The following QTMAN variants were observed in gnomAD, a reference collection of about 807,000 sequenced individuals.
QTMAN encodes the protein tRNA-queuosine alpha-mannosyltransferase.
chr2:144,322,631 G>A, the QTMAN span, among the ~76,000 whole-genome samples: 2 of 152,082 alleles, frequency 1.3e-5, no homozygotes, highest in Non-Finnish European at 2.9e-5. Context: ...AATATGTAGT[G>A]AAACGGAAGC....
At chr2:144,015,446 A>AC in the QTMAN span, among the ~76,000 whole-genome samples, 1 of 151,452 alleles carries the variant, frequency 6.6e-6, no homozygotes, top group East Asian at 1.9e-4. Context: ...AACTCCCCAT[A>AC]CCCACCCTCC....
chr2:144,070,266 T>A, the QTMAN span, among the ~76,000 whole-genome samples: 1 of 152,160 alleles, frequency 6.6e-6, no homozygotes, highest in African/African-American at 2.4e-5. Context: ...TAAGTCATTC[T>A]TCTAAAATAT....
At chr2:144,130,092 G>GAA in the QTMAN span, among the ~76,000 whole-genome samples, 7 of 118,204 alleles carry the variant, frequency 5.9e-5, no homozygotes, top group East Asian at 2.3e-4. Flanking sequence ...CTAATTTCTG[G>GAA]AAAAAAAAAA....
the QTMAN span, among the ~76,000 whole-genome samples, chr2:144,080,176 T>C: frequency 6.6e-6 from 1 of 152,116 alleles, no homozygotes; most frequent in Admixed American, 6.6e-5. Context: ...TCAAAATAAT[T>C]TGCCTCTTTA....
the QTMAN span, among the ~76,000 whole-genome samples, chr2:144,108,250 G>T: frequency 3.9e-5 from 6 of 152,162 alleles, no homozygotes; most frequent in Non-Finnish European, 4.4e-5. Flanking sequence ...GGAAGTTCTG[G>T]CCAGGGCAAT....
At chr2:144,151,080 A>G in the QTMAN span, among the ~76,000 whole-genome samples, 2 of 152,146 alleles carry the variant, frequency 1.3e-5, no homozygotes, top group Non-Finnish European at 2.9e-5. Flanking sequence ...TTTTGTGGTA[A>G]GAACAATAGG....
At chr2:144,100,635 T>C in the QTMAN span, among the ~76,000 whole-genome samples, 40 of 152,252 alleles carry the variant, frequency 2.6e-4, no homozygotes, top group African/African-American at 9.1e-4. Context: ...ATGTTATCAA[T>C]ATATTCTGAA....
the QTMAN span, among the ~76,000 whole-genome samples, chr2:144,133,441 TAA>T: frequency 1.7e-5 from 1 of 59,642 alleles, no homozygotes; most frequent in Admixed American, 3.1e-4. Context: ...ATATAATATA[TAA>T]TATATAATAT....
At chr2:144,283,064 G>A in the QTMAN span, among the ~76,000 whole-genome samples, 3 of 152,158 alleles carry the variant, frequency 2.0e-5, no homozygotes, top group East Asian at 1.9e-4. Context: ...TGATCTGGCC[G>A]TTCATTTGTA....
At chr2:144,043,604 G>C in the QTMAN span, among the ~76,000 whole-genome samples, 4 of 151,190 alleles carry the variant, frequency 2.6e-5, no homozygotes, top group African/African-American at 2.5e-5. Flanking sequence ...CTGCACTCCA[G>C]TCTGGGCAAT....
chr2:144,265,654 C>T, the QTMAN span, among the ~76,000 whole-genome samples: 1 of 152,294 alleles, frequency 6.6e-6, no homozygotes, highest in East Asian at 1.9e-4. Context: ...CGAGATCACA[C>T]CATTGCACTC....
At chr2:144,151,067 T>G in the QTMAN span, among the ~76,000 whole-genome samples, 1 of 152,128 alleles carries the variant, frequency 6.6e-6, no homozygotes, top group Non-Finnish European at 1.5e-5. Flanking sequence ...AAAATAATCT[T>G]GGTTTTGTGG....
chr2:143,976,486 T>C, the QTMAN span, among the ~76,000 whole-genome samples: 1 of 152,322 alleles, frequency 6.6e-6, no homozygotes, highest in East Asian at 1.9e-4. Flanking sequence ...TTCAAAAACA[T>C]GAGGCTTCTA....
chr2:144,323,218 T>C, the QTMAN span, among the ~76,000 whole-genome samples: 4 of 152,292 alleles, frequency 2.6e-5, no homozygotes, highest in South Asian at 6.2e-4. Flanking sequence ...AAATCACATA[T>C]GGATTTTTCC....
the QTMAN span, among the ~76,000 whole-genome samples, chr2:144,162,637 AG>A: frequency 6.6e-6 from 1 of 152,208 alleles, no homozygotes; most frequent in Non-Finnish European, 1.5e-5. Flanking sequence ...TAAGGGAAAG[AG>A]CAGCAAAGTA....
chr2:144,196,952 TAC>T, the QTMAN span, among the ~76,000 whole-genome samples: 61 of 152,182 alleles, frequency 4.0e-4, 1 homozygote, highest in African/African-American at 1.4e-3. Flanking sequence ...TATTTATATA[TAC>T]AGTCATACAT....
At chr2:144,166,279 G>T in the QTMAN span, among the ~76,000 whole-genome samples, 1 of 152,068 alleles carries the variant, frequency 6.6e-6, no homozygotes, top group Non-Finnish European at 1.5e-5. Context: ...CCACAAACTT[G>T]TCTGCATCAT....
chr2:144,306,006 T>C, the QTMAN span, among the ~76,000 whole-genome samples: 1 of 152,214 alleles, frequency 6.6e-6, no homozygotes, highest in African/African-American at 2.4e-5. Flanking sequence ...AGAGATAGTT[T>C]TACTTCTTTC....
chr2:144,247,809 T>C, the QTMAN span, among the ~76,000 whole-genome samples: 4 of 152,050 alleles, frequency 2.6e-5, no homozygotes, highest in Non-Finnish European at 4.4e-5. Context: ...CCCTAAGTAG[T>C]TGGGACTACA....
Sources: gnomAD v4.1 joint callset for allele counts (sites outside exome capture counted in the v4.1 genomes callset) on GRCh38, gnomAD v4.1.1 for gene constraint, MANE v1.5 for transcripts, NCBI Gene and HGNC (gene_info 2026-07-23, HGNC 2026-07-21) for gene names.